Variants in ANKRD17 observed in about 807,000 individuals in gnomAD.
ANKRD17 encodes the protein ankyrin repeat domain-containing protein 17.
Under a neutral mutation model 229.7 loss-of-function variants are expected in ANKRD17, and 19 were observed. The observed-to-expected ratio is 0.08, with a 90% CI of 0.06 to 0.12. The LOEUF is 0.12. ANKRD17 is among the 10% of genes least tolerant of loss of function. The pLI, the probability that ANKRD17 is intolerant of heterozygous loss-of-function variation, is 1.00. For missense variants in ANKRD17, 2,176 were observed against 3,176.8 expected (o/e 0.68, Z 7.57); for synonymous variants, 1,112 against 1,146.1 (o/e 0.97, Z 0.60).
chr4:73,171,178 G>GGGGAGAGAGA (rs1553928534), intron 2 of ANKRD17, among the ~76,000 whole-genome samples: 22 of 104,500 alleles, frequency 2.1e-4, no homozygotes, highest in Middle Eastern at 7.1e-3. Flanking sequence ...CTCAGAGGGG[G>GGGGAGAGAGA]GAGAGAGAGA....
intron 24 of ANKRD17, among the ~76,000 whole-genome samples, chr4:73,104,256 C>T (rs1256689429): frequency 6.6e-6 from 1 of 152,150 alleles, no homozygotes; most frequent in African/African-American, 2.4e-5. Context: ...AACTGGTGAC[C>T]TTTACTCCCT....
intron 2 of ANKRD17, among the ~76,000 whole-genome samples, chr4:73,161,657 A>G (rs959679766): frequency 2.6e-5 from 4 of 152,218 alleles, no homozygotes; most frequent in African/African-American, 9.6e-5. Context: ...AAAGGTTGCT[A>G]AATTGGTAAG....
intron 1 of ANKRD17, among the ~76,000 whole-genome samples, chr4:73,197,224 T>C (rs537686301): frequency 2.0e-5 from 3 of 152,176 alleles, no homozygotes; most frequent in Non-Finnish European, 4.4e-5. Context: ...TGAAGTCTTA[T>C]ATTCCTACAG....
At chr4:73,163,862 T>A (rs771905211) in intron 2 of ANKRD17, among the ~76,000 whole-genome samples, 9 of 152,044 alleles carry the variant, frequency 5.9e-5, no homozygotes, top group Non-Finnish European at 1.2e-4. Context: ...TTTTCTTTAA[T>A]AAAAAAACTA....
intron 1 of ANKRD17, among the ~76,000 whole-genome samples, chr4:73,253,241 C>T (rs1194155823): frequency 6.6e-6 from 1 of 152,196 alleles, no homozygotes; most frequent in Non-Finnish European, 1.5e-5. Context: ...GTACATTTAA[C>T]CACTTAAGCT....
intron 2 of ANKRD17, 152 bp from the exon 3 acceptor site, chr4:73,161,500 A>C: frequency 1.3e-6 from 1 of 743,120 alleles, no homozygotes; most frequent in Non-Finnish European, 2.1e-6. Context: ...CTTTTGAGAA[A>C]TCACTCTTCT....
intron 24 of ANKRD17, chr4:73,112,978 G>T: frequency 1.7e-6 from 1 of 580,166 alleles, no homozygotes; most frequent in Non-Finnish European, 2.3e-6. Context: ...GGTAGAGACG[G>T]TGTTTTGCCA....
intron 25 of ANKRD17, among the ~76,000 whole-genome samples, chr4:73,100,467 A>C (rs982244604): frequency 2.6e-5 from 4 of 151,966 alleles, no homozygotes; most frequent in Non-Finnish European, 4.4e-5. Context: ...TAAAAAAAAA[A>C]AACATATATA....
At chr4:73,101,179 G>A (rs918304825) in intron 25 of ANKRD17, 29 of 952,940 alleles carry the variant, frequency 3.0e-5, no homozygotes, top group Non-Finnish European at 3.6e-5. Flanking sequence ...ATCCCCTGTG[G>A]ATATAAAGGG....
rs755982500 is a variant in ANKRD17, at chr4:73,091,783, G to A, written c.5845C>T (p.His1949Tyr). ...NSPKPHMVPR[H>Y]SNQNSSGSQV... ...GAACCACTGCTATTCTGATTGCTAT[G>A]GCGAGGCACCATGTGAGGCTTAGGC... The change falls in exon 29 of 34, where the codon CAT (histidine) becomes TAT (tyrosine). Residue 1949 changes from histidine (H) to tyrosine (Y), a missense_variant. His to Tyr is a moderately conservative substitution (Grantham distance 83). Transcript: ENST00000358602. 1.1e-5 allele frequency: 17 copies of A among 1,614,060 alleles called. No homozygotes were observed. Among genetic ancestry groups the A allele is most frequent in the Non-Finnish European group, 1.3e-5 (15 of 1,180,050 alleles).
chr4:73,173,832 G>A (rs559272722), intron 2 of ANKRD17, among the ~76,000 whole-genome samples: 77 of 152,270 alleles, frequency 5.1e-4, no homozygotes, highest in African/African-American at 1.7e-3. Flanking sequence ...GCCCAGGGAA[G>A]CCATCCCTGA....
chr4:73,171,416 G>A (rs111504675), intron 2 of ANKRD17, among the ~76,000 whole-genome samples: 401 of 152,230 alleles, frequency 2.6e-3, no homozygotes, highest in African/African-American at 7.8e-3. Context: ...AAGTCCCTTC[G>A]ACTACTTAGA....
At chr4:73,210,173 C>T (rs1260091172) in intron 1 of ANKRD17, among the ~76,000 whole-genome samples, 1 of 151,944 alleles carries the variant, frequency 6.6e-6, no homozygotes, top group East Asian at 1.9e-4. Context: ...TTTATTTGTA[C>T]ATATGATCCA....
chr4:73,124,094 A>G (rs1182555430), intron 18 of ANKRD17, among the ~76,000 whole-genome samples: 1 of 152,068 alleles, frequency 6.6e-6, no homozygotes, highest in Non-Finnish European at 1.5e-5. Flanking sequence ...GGGAAACAAA[A>G]AAGGCATACT....
intron 30 of ANKRD17, among the ~76,000 whole-genome samples, chr4:73,082,144 T>A (rs1312875072): frequency 1.6e-5 from 2 of 127,256 alleles, no homozygotes; most frequent in African/African-American, 6.4e-5. Context: ...AGAGATACAT[T>A]ATCTTTTTAT....
At chr4:73,184,889 A>C (rs1020362258) in intron 1 of ANKRD17, among the ~76,000 whole-genome samples, 1 of 152,232 alleles carries the variant, frequency 6.6e-6, no homozygotes, top group East Asian at 1.9e-4. Flanking sequence ...TGCTGCGTTC[A>C]GAATTTATAT....
chr4:73,221,504 T>C (rs1204154543), intron 1 of ANKRD17, among the ~76,000 whole-genome samples: 1 of 152,152 alleles, frequency 6.6e-6, no homozygotes, highest in East Asian at 1.9e-4. Context: ...CAAAGCACAC[T>C]TCTTTAAAAT....
chr4:73,094,143 T>C lies in ANKRD17; in HGVS notation c.5263A>G (p.Thr1755Ala), dbSNP rs1429301448. The C allele has an allele frequency of 6.2e-7, 1 of 1,613,794 alleles. No homozygotes were observed. Among genetic ancestry groups the C allele is most frequent in the South Asian group, 1.1e-5 (1 of 91,074 alleles). ...GCNINAIREF[T>A]GAHIDIDKQK... ...TTATCAATATCTATGTGTGCACCAG[T>C]AAACTCCCGAATAGCATTGATATTA... is the stretch of plus-strand genomic sequence containing the variant. The change falls in exon 28 of 34, where the codon ACT becomes GCT. Residue 1755 changes from threonine (T) to alanine (A), a missense_variant. By Grantham distance (58) the Thr-to-Ala change is moderately conservative (BLOSUM62 0). Transcript: ENST00000358602.
At chr4:73,149,092 A>T in intron 7 of ANKRD17, 42 bp from the exon 8 acceptor site, 1 of 1,543,930 alleles carries the variant, frequency 6.5e-7, no homozygotes, top group East Asian at 2.3e-5. Context: ...AGCACCATTA[A>T]AAAAATCTTG....
Sources: gnomAD v4.1 joint callset for allele counts (sites outside exome capture counted in the v4.1 genomes callset) on GRCh38, gnomAD v4.1.1 for gene constraint, MANE v1.5 for transcripts, NCBI Gene and HGNC (gene_info 2026-07-23, HGNC 2026-07-21) for gene names.